The following PASD1 variants were observed in gnomAD, a reference collection of about 807,000 sequenced individuals.
PASD1 encodes circadian clock protein PASD1.
A neutral mutation model predicts 58.8 loss-of-function variants in PASD1; 13 were observed. That is an observed-to-expected ratio of 0.22 (90% CI 0.14 to 0.35). PASD1 has a LOEUF of 0.35. Ranked by LOEUF, PASD1 falls within the 10% of genes least tolerant of loss-of-function variation. The pLI is 1.00. For missense variants in PASD1, 734 were observed against 568.3 expected, an observed-to-expected ratio of 1.29 and a Z score of -2.96; for synonymous variants, 236 against 216.7, an observed-to-expected ratio of 1.09 and a Z score of -0.78.
At position 151,674,165 on chromosome X, in the gene PASD1, C is replaced by T. The variant is rs748776460; in HGVS notation, c.2154C>T (p.His718=). The T allele has an allele frequency of 9.9e-6, 12 of 1,211,923 alleles. No homozygotes were observed. The South Asian group carries it at 1.1e-4, about 11-fold the overall frequency. ...TWSCDEQGTL[H]GQPTYHQVQV... ...CTTGCGATGAGCAGGGCACCCTGCA[C>T]GGCCAACCCACCTACCATCAGGTAT... Residue 718 remains histidine, a synonymous_variant, in exon 15 of 16, where the codon CAC becomes CAT. Coordinates refer to ENST00000370357, the MANE Select transcript of PASD1 (RefSeq NM_173493.3).
intron 8 of PASD1, among the ~76,000 whole-genome samples, chrX:151,641,972 T>C (rs1399534191): frequency 2.7e-5 from 3 of 112,520 alleles, no homozygotes; most frequent in Non-Finnish European, 5.6e-5. Flanking sequence ...TAATGAAATA[T>C]CATACTTTTC....
chrX:151,573,806 G>A (rs1487304632), intron 1 of PASD1, among the ~76,000 whole-genome samples: 6 of 112,007 alleles, frequency 5.4e-5, no homozygotes, highest in African/African-American at 2.0e-4. Flanking sequence ...TGATTGGAAA[G>A]GTGAATTGGG....
At chrX:151,643,788 CTTATATG>C (rs1177506097) in intron 8 of PASD1, among the ~76,000 whole-genome samples, 1 of 111,265 alleles carries the variant, frequency 9.0e-6, no homozygotes, top group African/African-American at 3.3e-5. Flanking sequence ...TGGTTGTGAA[CTTATATG>C]TTATTCATGT....
intron 6 of PASD1, among the ~76,000 whole-genome samples, chrX:151,622,592 C>CACACACAT (rs2013727660): frequency 9.2e-6 from 1 of 108,205 alleles, no homozygotes; most frequent in African/African-American, 3.4e-5. Context: ...AGATTACACA[C>CACACACAT]ACACACACAC....
chrX:151,656,197 C>G (rs1442424735), intron 9 of PASD1, among the ~76,000 whole-genome samples: 1 of 111,412 alleles, frequency 9.0e-6, no homozygotes, highest in Non-Finnish European at 1.9e-5. Flanking sequence ...GGGCTCTGTT[C>G]TGTTCCATTG....
intron 1 of PASD1, among the ~76,000 whole-genome samples, chrX:151,580,467 T>C (rs891964009): frequency 9.1e-6 from 1 of 109,936 alleles, no homozygotes. Context: ...CCTGTTGACC[T>C]TTTCCTTCGA....
chrX:151,582,642 AC>A (rs748657156), intron 1 of PASD1, among the ~76,000 whole-genome samples: 33 of 111,281 alleles, frequency 3.0e-4, no homozygotes, highest in Non-Finnish European at 2.8e-4. Flanking sequence ...CAAGATTCTT[AC>A]CTCCTCCGAA....
chrX:151,657,934 C>A (rs1013968237), intron 9 of PASD1, among the ~76,000 whole-genome samples: 4 of 110,476 alleles, frequency 3.6e-5, no homozygotes, highest in African/African-American at 9.9e-5. Flanking sequence ...GGCCTTTCCC[C>A]CACCACTTCC....
chrX:151,644,228 T>C (rs2014030778), intron 8 of PASD1, among the ~76,000 whole-genome samples: 1 of 112,290 alleles, frequency 8.9e-6, no homozygotes, highest in Non-Finnish European at 1.9e-5. Flanking sequence ...TAGAAGGCAG[T>C]GTAGTTATTT....
chrX:151,653,192 A>AT (rs1465977032), intron 9 of PASD1, among the ~76,000 whole-genome samples: 1 of 87,238 alleles, frequency 1.1e-5, no homozygotes, highest in African/African-American at 3.8e-5. Flanking sequence ...ATATATATAT[A>AT]TATATTTTTT....
chrX:151,653,163 T>C (rs1215226599), intron 9 of PASD1, among the ~76,000 whole-genome samples: 2 of 105,023 alleles, frequency 1.9e-5, no homozygotes, highest in East Asian at 2.9e-4. Flanking sequence ...ATTCTGAAAA[T>C]ATATATGTGT....
intron 8 of PASD1, among the ~76,000 whole-genome samples, chrX:151,631,272 A>C (rs752257857): frequency 9.0e-6 from 1 of 111,556 alleles, no homozygotes; most frequent in South Asian, 3.8e-4. Flanking sequence ...TGTATGATTC[A>C]CCCAAACTCA....
chrX:151,622,510 A>T (rs933781942), intron 6 of PASD1, among the ~76,000 whole-genome samples: 2 of 109,938 alleles, frequency 1.8e-5, no homozygotes, highest in African/African-American at 6.6e-5. Flanking sequence ...AAGGTGGCTG[A>T]TATATTTGTC....
Position 151,671,062 on chromosome X carries a change from G to A in PASD1, c.1096G>A (p.Ala366Thr). ...AQPLQPSSPV[A>T]YDIISQELEL... is the part of the protein sequence containing the mutation. ...GCCATTACAGCCATCATCACCAGTT[G>A]CATATGACATCATTAGCCAGGAACT... Residue 366 changes from alanine (A) to threonine (T), a missense_variant, in exon 12 of 16, where the codon GCA (alanine) becomes ACA (threonine). By Grantham distance (58) the Ala-to-Thr change is moderately conservative (BLOSUM62 0). Transcript: ENST00000370357. The A allele has an allele frequency of 7.4e-6, 9 of 1,210,985 alleles. No homozygotes were observed. Among genetic ancestry groups the A allele is most frequent in the Non-Finnish European group, 1.0e-5 (9 of 895,158 alleles).
At chrX:151,646,728 G>A (rs2014065751) in intron 8 of PASD1, among the ~76,000 whole-genome samples, 1 of 112,166 alleles carries the variant, frequency 8.9e-6, no homozygotes, top group African/African-American at 3.2e-5. Context: ...GTCAATCCAG[G>A]CAGACTTGGG....
At chrX:151,625,584 A>C in intron 8 of PASD1, 54 bp downstream of exon 8, 1 of 924,579 alleles carries the variant, frequency 1.1e-6, no homozygotes, top group Non-Finnish European at 1.5e-6. Flanking sequence ...ATTTTACTAA[A>C]CGAAACTAAA....
chrX:151,588,995 C>T (rs2124238841), intron 1 of PASD1, among the ~76,000 whole-genome samples: 1 of 110,857 alleles, frequency 9.0e-6, no homozygotes, highest in South Asian at 3.9e-4. Flanking sequence ...CCAACTTCTT[C>T]ACTTAGTCAA....
intron 4 of PASD1, among the ~76,000 whole-genome samples, chrX:151,612,597 T>C (rs1044671740): frequency 9.0e-5 from 10 of 111,618 alleles, no homozygotes; most frequent in Non-Finnish European, 1.7e-4. Flanking sequence ...ATGTGTCTTT[T>C]GGCTGCATAA....
intron 1 of PASD1, among the ~76,000 whole-genome samples, chrX:151,584,216 C>T (rs2013136222): frequency 9.0e-6 from 1 of 111,639 alleles, no homozygotes; most frequent in Admixed American, 9.4e-5. Flanking sequence ...ACAATACATC[C>T]AGAAGAAAAG....
Sources: allele counts gnomAD v4.1 joint callset (sites outside exome capture counted in the v4.1 genomes callset), GRCh38; gene constraint gnomAD v4.1.1; transcripts MANE v1.5; gene names NCBI Gene and HGNC (gene_info 2026-07-23, HGNC 2026-07-21).